The following SH3BP2 variants were observed in gnomAD, a reference collection of about 807,000 sequenced individuals.
SH3BP2 encodes SH3 domain-binding protein 2.
A neutral mutation model predicts 56.2 loss-of-function variants in SH3BP2; 38 were observed. The ratio of observed to expected loss-of-function variants is 0.68; its 90% CI spans 0.52 to 0.89. The LOEUF is 0.89. Among genes scored for constraint, SH3BP2 ranks in the 40% least tolerant of loss-of-function variants. The pLI, the probability that SH3BP2 is intolerant of heterozygous loss-of-function variation, is 0.00. For synonymous variants in SH3BP2, 346 were observed against 316.7 expected, an observed-to-expected ratio of 1.09 and a Z score of -0.98; for missense variants, 748 against 762.6, an observed-to-expected ratio of 0.98 and a Z score of 0.23.
intron 2 of SH3BP2, among the ~76,000 whole-genome samples, chr4:2,822,316 C>T (rs1023902798): frequency 9.2e-5 from 14 of 152,134 alleles, no homozygotes; most frequent in African/African-American, 2.7e-4. Context: ...CCACCGTGTC[C>T]GGCTAAGTTT....
intron 1 of SH3BP2, chr4:2,818,220 G>C (rs919524432): frequency 3.0e-6 from 3 of 987,374 alleles, no homozygotes; most frequent in African/African-American, 3.5e-5. Flanking sequence ...CAGGGCCGGC[G>C]GGCATGGCGG....
chr4:2,832,094 G>A (rs2108741730), intron 10 of SH3BP2, 116 bp downstream of exon 10: 3 of 1,168,954 alleles, frequency 2.6e-6, no homozygotes, highest in East Asian at 2.5e-5. Context: ...ATGGCCCTGC[G>A]TGCAGCAGAA....
At chr4:2,793,556 C>T (rs1722966619) in intron 1 of SH3BP2, among the ~76,000 whole-genome samples, 1 of 151,420 alleles carries the variant, frequency 6.6e-6, no homozygotes. Context: ...GGGTGGGAGG[C>T]GGTGCGACGC....
intron 3 of SH3BP2, 75 bp downstream of exon 3, chr4:2,823,112 C>A (rs544846091): frequency 4.6e-6 from 5 of 1,081,566 alleles, no homozygotes; most frequent in Non-Finnish European, 7.1e-6. Flanking sequence ...CCCAGCTGGG[C>A]CTGCCCCTTA....
intron 1 of SH3BP2, chr4:2,798,934 G>A: frequency 5.2e-6 from 5 of 957,346 alleles, no homozygotes; most frequent in Non-Finnish European, 6.2e-6. Flanking sequence ...TGAGGGTGAG[G>A]GTGTGCCCAT....
chr4:2,820,305 G>C (rs1724230026), intron 1 of SH3BP2, among the ~76,000 whole-genome samples: 1 of 152,192 alleles, frequency 6.6e-6, no homozygotes, highest in African/African-American at 2.4e-5. Flanking sequence ...GCCCCCGTGG[G>C]GCCTTGCGCT....
chr4:2,828,867 G>A (rs1296126716), intron 7 of SH3BP2, among the ~76,000 whole-genome samples: 3 of 152,084 alleles, frequency 2.0e-5, no homozygotes, highest in Admixed American at 1.3e-4. Flanking sequence ...CAGGCGCCCC[G>A]TGCTCCCGGG....
chr4:2,818,689 G>C (rs979729846), intron 1 of SH3BP2: 109 of 1,000,238 alleles, frequency 1.1e-4, no homozygotes, highest in Non-Finnish European at 1.3e-4. Flanking sequence ...GGCGGGCGGC[G>C]GGGTGTGGCG....
intron 1 of SH3BP2, chr4:2,818,148 C>A: frequency 2.2e-6 from 2 of 899,028 alleles, no homozygotes; most frequent in South Asian, 5.1e-5. Context: ...AGGGGCGCGC[C>A]GGGATCCTCA....
In SH3BP2 at chr4:2,830,025, G is replaced by A. The variant is rs1213837289; in HGVS notation, c.1119G>A (p.Met373Ile). 1.2e-6 allele frequency: 2 copies of A among 1,612,906 alleles called. No homozygotes were observed. Among genetic ancestry groups the A allele is most frequent in the East Asian group, 2.2e-5 (1 of 44,878 alleles). The change falls in exon 8 of 13, where the codon ATG (methionine) becomes ATA (isoleucine). Residue 373 changes from methionine to isoleucine, a missense_variant. This residue lies in a region of SH3BP2 where 635 missense variants were observed against 615.0 expected (regional missense o/e 1.03). Coordinates refer to ENST00000503393, the MANE Select transcript of SH3BP2 (RefSeq NM_001122681.2). ...AGGACCCCCCAAGGGAGGCAGCCATGCCCGGACTCTTTGTGCCCCCCGTGG... is the reference window on the plus strand; with the variant it reads ...AGGACCCCCCAAGGGAGGCAGCCATACCCGGACTCTTTGTGCCCCCCGTGG... ...AEEDPPREAA[M>I]PGLFVPPVAP...
rs551250904 is a variant in SH3BP2 at position 2,809,806 on chromosome 4, G to A, written c.-4-10808G>A. On this transcript the variant is annotated intron_variant, in intron 1 of 12. Coordinates refer to ENST00000503393, the MANE Select transcript of SH3BP2 (RefSeq NM_001122681.2). The stretch of plus-strand genomic sequence containing the variant: ...TGACCCTTGGCCCTCTGCCTGCCCT[G>A]CTGGCTGGCTCCCACTCATCCTGGT... 12 of 985,598 alleles carry A rather than the reference G, an allele frequency of 1.2e-5. No individual in the cohort carries two copies. In the East Asian group the frequency reaches 1.2e-3, roughly 102 times the overall value. The allele number at this position is 985,598 out of a possible 1,614,324, so 61.1% of individuals were successfully genotyped here.
chr4:2,825,047 G>T (rs1283755442), intron 4 of SH3BP2, 79 bp from the exon 5 acceptor site: 2 of 1,308,316 alleles, frequency 1.5e-6, no homozygotes, highest in Non-Finnish European at 2.2e-6. Context: ...AGCAGAGCAG[G>T]CAGGGCAGTG....
chr4:2,825,868 C>T (rs564233859), intron 5 of SH3BP2, among the ~76,000 whole-genome samples: 2 of 152,252 alleles, frequency 1.3e-5, no homozygotes, highest in African/African-American at 4.8e-5. Flanking sequence ...CCTTGGCAGC[C>T]TCCCCCGTGA....
intron 1 of SH3BP2, among the ~76,000 whole-genome samples, chr4:2,814,580 C>T (rs1723910958): frequency 6.6e-6 from 1 of 152,212 alleles, no homozygotes; most frequent in Admixed American, 6.5e-5. Flanking sequence ...GCAAAGATCA[C>T]ATACTTTCTG....
In SH3BP2 at chr4:2,832,974, C is replaced by G. The variant is rs568904047; in HGVS notation, c.1489-16C>G. The G allele has an allele frequency of 1.9e-6, 3 of 1,614,050 alleles. No individual in the cohort carries two copies. The South Asian group carries it at 3.3e-5, about 18-fold the overall frequency. On this transcript the variant is annotated splice_polypyrimidine_tract_variant and intron_variant, in intron 11 of 12. Transcript: ENST00000503393. ...GTTTCTCAGGGAGCCGTCAGCCTCC[C>G]GCTTCCGTCCTGTAGGTCCTGGTTG... is the stretch of plus-strand genomic sequence containing the variant.
chr4:2,827,295 C>T lies in SH3BP2; in HGVS notation c.494C>T (p.Ser165Phe). ...AVERPVDISL[S>F]PYPTDNEDYE... ...GAGCGGCCTGTGGATATCAGCCTTT[C>T]CCCGTACCCCACGGACAATGAAGGT... Residue 165 changes from serine to phenylalanine, a missense_variant, in exon 6 of 13, where the codon TCC (serine) becomes TTC (phenylalanine). By Grantham distance (155) the Ser-to-Phe change is radical. Transcript: ENST00000503393. 1.2e-6 allele frequency: 2 copies of T among 1,614,148 alleles called. No homozygotes were observed. Among genetic ancestry groups the T allele is most frequent in the South Asian group, 1.1e-5 (1 of 91,080 alleles).
At chr4:2,803,008 A>G (rs1416336121) in intron 1 of SH3BP2, among the ~76,000 whole-genome samples, 1 of 152,230 alleles carries the variant, frequency 6.6e-6, no homozygotes, top group Non-Finnish European at 1.5e-5. Context: ...AAACGCCGTA[A>G]AGTGCCTGGG....
rs1725388453 is a variant in SH3BP2 at position 2,840,574 on chromosome 4, A to G, written c.*6740A>G. The stretch of plus-strand genomic sequence containing the variant: ...TTAGTCTGTCTGTTCTTGTGCCAAT[A>G]TCAAGCTGTCTTCATTATTATCAAT... On this transcript the variant is annotated 3_prime_UTR_variant, in exon 13 of 13. Coordinates refer to ENST00000503393, the MANE Select transcript of SH3BP2 (RefSeq NM_001122681.2). 1 of 152,338 alleles carries G rather than the reference A, an allele frequency of 6.6e-6. No individual in the cohort carries two copies. The highest frequency in any genetic ancestry group is 2.1e-4 in the South Asian group (1 of 4,832). 9.4% of individuals were successfully genotyped at this position (152,338 alleles called of 1,614,324 possible).
chr4:2,798,849 C>A (rs1283271431), intron 1 of SH3BP2: 1 of 504,546 alleles, frequency 2.0e-6, no homozygotes, highest in Non-Finnish European at 2.6e-6. Flanking sequence ...TCCACCAGGC[C>A]AGGCCGTGTG....
Sources: gnomAD v4.1 joint callset for allele counts (sites outside exome capture counted in the v4.1 genomes callset) on GRCh38, gnomAD v4.1.1 for gene constraint, gnomAD v4.1.1 regional missense constraint, MANE v1.5 for transcripts, NCBI Gene and HGNC (gene_info 2026-07-23, HGNC 2026-07-21) for gene names.